The following ZNF362 variants were observed in gnomAD, a reference collection of about 807,000 sequenced individuals.
ZNF362 encodes rotund homolog.
In ZNF362, 11 loss-of-function variants were observed where a neutral mutation model predicts 42.9. The observed-to-expected ratio is 0.26, with a 90% CI of 0.16 to 0.42. ZNF362 has a LOEUF of 0.42. Among genes scored for constraint, ZNF362 ranks in the 20% least tolerant of loss-of-function variants. ZNF362 has a pLI of 1.00. For synonymous variants in ZNF362, 255 were observed against 257.3 expected (o/e 0.99, Z 0.09); for missense variants, 362 against 576.2 (o/e 0.63, Z 3.81).
chr1:33,239,663 C>G, the ZNF362 span, among the ~76,000 whole-genome samples: 1 of 152,136 alleles, frequency 6.6e-6, no homozygotes, highest in African/African-American at 2.4e-5. Flanking sequence ...ACCATCAGAT[C>G]TCATGAGACT....
At chr1:33,171,407 C>T in the ZNF362 span, among the ~76,000 whole-genome samples, 1 of 152,264 alleles carries the variant, frequency 6.6e-6, no homozygotes, top group East Asian at 1.9e-4. Flanking sequence ...GAAATTGAGG[C>T]TCAGTGAGGT....
At chr1:33,205,512 A>G in the ZNF362 span, among the ~76,000 whole-genome samples, 1 of 152,116 alleles carries the variant, frequency 6.6e-6, no homozygotes, top group African/African-American at 2.4e-5. Flanking sequence ...AAAGGATCTA[A>G]AATAGAAAAA....
chr1:33,172,392 C>T, the ZNF362 span, among the ~76,000 whole-genome samples: 2 of 151,810 alleles, frequency 1.3e-5, no homozygotes, highest in African/African-American at 2.4e-5. Flanking sequence ...TGCAGGAAGT[C>T]GGGGTGGTTG....
At chr1:33,147,148 C>T in the ZNF362 span, 6 of 1,603,904 alleles carry the variant, frequency 3.7e-6, 1 homozygote, top group South Asian at 5.6e-5. This position sits in a 1 kb window ranked among gnomAD's most constrained non-coding sequence, Gnocchi z 8.1. Context: ...GCAGTGGTCC[C>T]AGGAGGTTGT....
At chr1:33,218,653 T>G in the ZNF362 span, among the ~76,000 whole-genome samples, 4 of 152,218 alleles carry the variant, frequency 2.6e-5, no homozygotes, top group Non-Finnish European at 4.4e-5. Context: ...TATTTGGATG[T>G]TTTCTTTTGT....
At chr1:33,295,610 C>CAG (rs10671914) in intron 8 of ZNF362, among the ~76,000 whole-genome samples, 78,516 of 151,802 alleles carry the variant, frequency 0.52, 21,494 homozygotes, top group Admixed American at 0.64. Context: ...CGCAGAGCTA[C>CAG]AGAGAGAAGC....
chr1:33,270,082 G>T (rs909356845), intron 1 of ZNF362, among the ~76,000 whole-genome samples: 3 of 152,200 alleles, frequency 2.0e-5, no homozygotes, highest in Admixed American at 1.3e-4. Flanking sequence ...CAGGTTTATT[G>T]TGAGAGTAAA....
At chr1:33,174,517 A>G in the ZNF362 span, among the ~76,000 whole-genome samples, 2 of 152,244 alleles carry the variant, frequency 1.3e-5, no homozygotes, top group South Asian at 4.1e-4. Context: ...TTCTCCATTT[A>G]TAAAATGGGG....
the ZNF362 span, among the ~76,000 whole-genome samples, chr1:33,204,701 T>A: frequency 6.6e-6 from 1 of 152,218 alleles, no homozygotes; most frequent in African/African-American, 2.4e-5. Flanking sequence ...AAAGACTGAA[T>A]GCTTTCCTCT....
intron 6 of ZNF362, among the ~76,000 whole-genome samples, chr1:33,291,330 C>A (rs1433934774): frequency 6.6e-6 from 1 of 152,150 alleles, no homozygotes; most frequent in Non-Finnish European, 1.5e-5. Context: ...GAATCCTTTC[C>A]CCATTTCTTG....
the ZNF362 span, among the ~76,000 whole-genome samples, chr1:33,180,170 C>T: frequency 6.6e-6 from 1 of 152,128 alleles, no homozygotes; most frequent in Non-Finnish European, 1.5e-5. Flanking sequence ...TACCGTTTCA[C>T]TTAGTCTTCA....
the ZNF362 span, among the ~76,000 whole-genome samples, chr1:33,183,961 T>C: frequency 6.6e-5 from 10 of 151,718 alleles, no homozygotes; most frequent in South Asian, 2.1e-4. Flanking sequence ...CCAACTGATA[T>C]ACTGACGTGC....
chr1:33,128,013 T>C, the ZNF362 span, among the ~76,000 whole-genome samples: 1 of 152,124 alleles, frequency 6.6e-6, no homozygotes, highest in Non-Finnish European at 1.5e-5. Flanking sequence ...AGTTTCTGAC[T>C]CTGTAAAATA....
At chr1:33,195,269 A>G in the ZNF362 span, 1 of 152,230 alleles carries the variant, frequency 6.6e-6, no homozygotes, top group African/African-American at 2.4e-5. Context: ...TTGCTCAAAG[A>G]ATTTATGAAG....
the ZNF362 span, chr1:33,195,974 A>G: frequency 6.6e-6 from 1 of 152,216 alleles, no homozygotes; most frequent in African/African-American, 2.4e-5. Context: ...TAAAACATGT[A>G]CACGTTGTAC....
the ZNF362 span, among the ~76,000 whole-genome samples, chr1:33,220,123 G>A: frequency 1.3e-5 from 2 of 152,136 alleles, no homozygotes; most frequent in Non-Finnish European, 2.9e-5. Flanking sequence ...CCCAGGCCCC[G>A]GAGGCTGTGG....
intron 1 of ZNF362, among the ~76,000 whole-genome samples, chr1:33,267,997 C>G (rs1039489555): frequency 6.6e-5 from 10 of 152,228 alleles, no homozygotes; most frequent in African/African-American, 2.4e-4. Flanking sequence ...CCAATTTCAC[C>G]ATACCCTCAC....
intron 6 of ZNF362, among the ~76,000 whole-genome samples, chr1:33,292,535 T>G (rs545511677): frequency 2.0e-5 from 3 of 152,358 alleles, no homozygotes; most frequent in Non-Finnish European, 2.9e-5. Flanking sequence ...TTCTCTTTTT[T>G]TTGTTGTGTC....
chr1:33,229,460 G>A, the ZNF362 span, among the ~76,000 whole-genome samples: 1 of 148,800 alleles, frequency 6.7e-6, no homozygotes, highest in South Asian at 2.1e-4. Flanking sequence ...AGGCTGGAGT[G>A]TAGTGGCATG....
Sources: allele counts gnomAD v4.1 joint callset (sites outside exome capture counted in the v4.1 genomes callset), GRCh38; gene constraint gnomAD v4.1.1; non-coding constraint Gnocchi (gnomAD v3.1); transcripts MANE v1.5; gene names NCBI Gene and HGNC (gene_info 2026-07-23, HGNC 2026-07-21).